Variants in TMTC2 observed in about 807,000 individuals in gnomAD.
TMTC2 encodes the protein transmembrane O-mannosyltransferase targeting cadherins 2.
TMTC2 carries 43 observed loss-of-function variants against 82.4 expected under a neutral mutation model. That is an observed-to-expected ratio of 0.52 (90% CI 0.41 to 0.67). The LOEUF is 0.67. Among genes scored for constraint, TMTC2 ranks in the 30% least tolerant of loss-of-function variants. The pLI is 0.00. For synonymous variants in TMTC2, 408 were observed against 381.9 expected (o/e 1.07, Z -0.80); for missense variants, 919 against 1,012.4 (o/e 0.91, Z 1.25).
chr12:82,996,412 A>G (rs557780390), intron 8 of TMTC2, among the ~76,000 whole-genome samples: 1 of 152,296 alleles, frequency 6.6e-6, no homozygotes, highest in South Asian at 2.1e-4. Context: ...CCTGCCTAGT[A>G]ATTGATTTCT....
At chr12:83,089,901 G>T (rs961778097) in intron 11 of TMTC2, among the ~76,000 whole-genome samples, 1 of 150,794 alleles carries the variant, frequency 6.6e-6, no homozygotes, top group African/African-American at 2.4e-5. Flanking sequence ...CGTGCTCTTT[G>T]TACTCCTTAT....
At chr12:82,701,882 C>G (rs1165318869) in intron 1 of TMTC2, among the ~76,000 whole-genome samples, 3 of 151,820 alleles carry the variant, frequency 2.0e-5, no homozygotes, top group African/African-American at 7.3e-5. Flanking sequence ...AAAATGTTAA[C>G]AATTTTTTCT....
intron 1 of TMTC2, among the ~76,000 whole-genome samples, chr12:82,854,365 C>T (rs1350100057): frequency 7.9e-5 from 12 of 152,160 alleles, no homozygotes; most frequent in Non-Finnish European, 1.6e-4. Flanking sequence ...TACTGCTCTG[C>T]TCTCTGCATG....
At chr12:82,733,934 A>T (rs901158347) in intron 1 of TMTC2, among the ~76,000 whole-genome samples, 5 of 152,200 alleles carry the variant, frequency 3.3e-5, no homozygotes, top group African/African-American at 1.2e-4. Context: ...ACAAATATTA[A>T]TTGAGGGCCC....
chr12:83,082,426 T>C (rs1755641171), intron 11 of TMTC2, among the ~76,000 whole-genome samples: 1 of 152,208 alleles, frequency 6.6e-6, no homozygotes, highest in Non-Finnish European at 1.5e-5. Context: ...TCCCTAAAGT[T>C]TGACAATCAA....
At chr12:82,715,938 C>T (rs1314050352) in intron 1 of TMTC2, among the ~76,000 whole-genome samples, 1 of 152,176 alleles carries the variant, frequency 6.6e-6, no homozygotes, top group Non-Finnish European at 1.5e-5. Context: ...TTACTTCCTT[C>T]TCCCCTCCGC....
At chr12:82,840,996 T>A (rs1870304178) in intron 1 of TMTC2, among the ~76,000 whole-genome samples, 1 of 152,084 alleles carries the variant, frequency 6.6e-6, no homozygotes, top group Non-Finnish European at 1.5e-5. Flanking sequence ...GCCAGGCTGG[T>A]CTCAAACACC....
chr12:82,698,237 T>C (rs1872909316), intron 1 of TMTC2, among the ~76,000 whole-genome samples: 1 of 152,204 alleles, frequency 6.6e-6, no homozygotes, highest in Non-Finnish European at 1.5e-5. Context: ...GTATGTACTG[T>C]GTAGTAGAGG....
chr12:82,902,671 T>A (rs1592614151), intron 3 of TMTC2, among the ~76,000 whole-genome samples: 1 of 152,132 alleles, frequency 6.6e-6, no homozygotes. Context: ...AATTATTCTC[T>A]GGCTGCCAGT....
intron 2 of TMTC2, among the ~76,000 whole-genome samples, chr12:82,864,954 C>T: frequency 6.6e-6 from 1 of 151,176 alleles, no homozygotes; most frequent in Admixed American, 6.6e-5. Context: ...GTGGCTCACG[C>T]CTGTAATCCC....
At chr12:83,124,988 G>A (rs1293092380) in intron 11 of TMTC2, among the ~76,000 whole-genome samples, 1 of 152,120 alleles carries the variant, frequency 6.6e-6, no homozygotes, top group African/African-American at 2.4e-5. Flanking sequence ...GAAACATATT[G>A]TTCATCTTAA....
chr12:83,009,182 T>C (rs1293835253), intron 8 of TMTC2, among the ~76,000 whole-genome samples: 1 of 152,186 alleles, frequency 6.6e-6, no homozygotes, highest in Non-Finnish European at 1.5e-5. Flanking sequence ...CCCTGGAGAA[T>C]AGGCCTCTGT....
At chr12:82,841,913 T>C (rs1273500341) in intron 1 of TMTC2, among the ~76,000 whole-genome samples, 2 of 152,246 alleles carry the variant, frequency 1.3e-5, no homozygotes, top group Non-Finnish European at 2.9e-5. Context: ...GACTTTCTTT[T>C]TGAAATGCAG....
rs547154378 is a variant in TMTC2 at position 82,717,876 on chromosome 12, G to A, written c.83+30207G>A. 1.7e-3 allele frequency among the ~76,000 whole-genome samples: 252 copies of A among 152,216 alleles called. 1 individual carries two copies. Among genetic ancestry groups the A allele is most frequent in the African/African-American group, 5.8e-3 (243 of 41,558 alleles). On this transcript the variant is annotated intron_variant, in intron 1 of 11. Coordinates refer to ENST00000321196, the MANE Select transcript of TMTC2 (RefSeq NM_152588.3). ...CGCCAACAAAGTAGCCTAATTTCCT[G>A]TAATCAGGAAATTTTATTCCCTGAC...
chr12:83,072,834 G>A (rs552795199), intron 11 of TMTC2, among the ~76,000 whole-genome samples: 2 of 152,006 alleles, frequency 1.3e-5, no homozygotes, highest in African/African-American at 2.4e-5. Flanking sequence ...CTCATTTTTT[G>A]TTGCCCATTC....
intron 3 of TMTC2, among the ~76,000 whole-genome samples, chr12:82,923,841 T>C (rs1875537460): frequency 6.6e-6 from 1 of 152,168 alleles, no homozygotes; most frequent in South Asian, 2.1e-4. Flanking sequence ...GGAATATTCC[T>C]CCATTTCTTT....
At chr12:82,961,815 A>AT (rs1234699424) in intron 4 of TMTC2, among the ~76,000 whole-genome samples, 1 of 151,948 alleles carries the variant, frequency 6.6e-6, no homozygotes, top group Non-Finnish European at 1.5e-5. Context: ...CCCTCAGTAG[A>AT]TTTTGCATCC....
At chr12:83,012,366 G>T (rs1003869363) in intron 8 of TMTC2, among the ~76,000 whole-genome samples, 1 of 152,112 alleles carries the variant, frequency 6.6e-6, no homozygotes, top group Non-Finnish European at 1.5e-5. Flanking sequence ...AAAAAATGAT[G>T]CTTTAAGTGG....
At chr12:82,822,271 G>A (rs1263479371) in intron 1 of TMTC2, among the ~76,000 whole-genome samples, 1 of 152,138 alleles carries the variant, frequency 6.6e-6, no homozygotes, top group Non-Finnish European at 1.5e-5. Flanking sequence ...ACAACACGAA[G>A]AATGAACTGT....
Sources: gnomAD v4.1 joint callset for allele counts (sites outside exome capture counted in the v4.1 genomes callset) on GRCh38, gnomAD v4.1.1 for gene constraint, MANE v1.5 for transcripts, NCBI Gene and HGNC (gene_info 2026-07-23, HGNC 2026-07-21) for gene names.